Variants in MROH9 observed in about 807,000 individuals in gnomAD.
The protein encoded by MROH9 is maestro heat like repeat family member 9, also known as maestro heat-like repeat-containing protein family member 9.
A neutral mutation model predicts 98.2 loss-of-function variants in MROH9; 92 were observed. The observed-to-expected ratio is 0.94, with a 90% CI of 0.79 to 1.11. The LOEUF (loss-of-function observed/expected upper bound fraction) is 1.11. MROH9 is among the 50% of genes most tolerant of loss of function. MROH9 has a pLI of 0.00. For missense variants in MROH9, 1,057 were observed against 1,014.8 expected, an observed-to-expected ratio of 1.04 and a Z score of -0.57; for synonymous variants, 397 against 368.9, an observed-to-expected ratio of 1.08 and a Z score of -0.87.
At chr1:171,007,736 G>C (rs905667187) in intron 15 of MROH9, among the ~76,000 whole-genome samples, 2 of 152,088 alleles carry the variant, frequency 1.3e-5, no homozygotes, top group Non-Finnish European at 2.9e-5. Context: ...AGATAGAGGT[G>C]AGTTACAGGG....
intron 11 of MROH9, among the ~76,000 whole-genome samples, chr1:170,991,551 G>A (rs1651354583): frequency 6.6e-6 from 1 of 152,008 alleles, no homozygotes; most frequent in African/African-American, 2.4e-5. Context: ...TCTAAGATAA[G>A]CAATAGTAAG....
chr1:171,043,373 A>T (rs933086207), intron 20 of MROH9, among the ~76,000 whole-genome samples: 1 of 152,072 alleles, frequency 6.6e-6, no homozygotes, highest in Non-Finnish European at 1.5e-5. Flanking sequence ...TGTTTTGGTT[A>T]TTATAGCTCT....
In MROH9 at chr1:170,971,816, T is replaced by A. The variant is rs1237597834; in HGVS notation, c.549T>A (p.Asp183Glu). 1.9e-6 allele frequency: 3 copies of A among 1,614,076 alleles called. No homozygotes were observed. The highest frequency in any genetic ancestry group is 2.2e-5 in the East Asian group (1 of 44,876). The change falls in exon 8 of 22, where the codon GAT becomes GAA. Residue 183 changes from aspartate (D) to glutamate (E), a missense_variant. Coordinates refer to ENST00000367759, the MANE Select transcript of MROH9 (RefSeq NM_001163629.2). ...AELSLLCSHE[D>E]PSIVKQASLG... ...TGTCTCTTTTGTGTTCCCATGAAGA[T>A]CCCTCGATTGTAAAACAAGCATCAT... is the stretch of plus-strand genomic sequence containing the variant.
chr1:171,029,533 T>C (rs1652837983), intron 20 of MROH9, among the ~76,000 whole-genome samples: 1 of 152,188 alleles, frequency 6.6e-6, no homozygotes, highest in Non-Finnish European at 1.5e-5. Flanking sequence ...ACGCCTTTTC[T>C]GCATCTATGG....
rs772129951 is a variant in MROH9, at chr1:170,989,968, C to T, written c.993C>T (p.Ile331=). The stretch of plus-strand genomic sequence containing the variant: ...CATGCACTTCACCCAAGAAGGTCAT[C>T]TTTCAACTTATGGACTACCCAGTTC... The part of the protein sequence containing the change: ...LLTCTSPKKV[I]FQLMDYPVPA... Residue 331 remains isoleucine, a synonymous_variant, in exon 11 of 22, where the codon ATC becomes ATT. Transcript: ENST00000367759. The T allele has an allele frequency of 1.1e-5, 18 of 1,613,062 alleles. No homozygotes were observed. The highest frequency in any genetic ancestry group is 1.5e-5 in the Non-Finnish European group (18 of 1,179,310).
intron 7 of MROH9, 88 bp downstream of exon 7, chr1:170,965,343 T>C: frequency 1.2e-6 from 1 of 865,300 alleles, no homozygotes; most frequent in Non-Finnish European, 1.9e-6. Flanking sequence ...CTAACAGTAC[T>C]TGACAGGTCC....
At position 171,016,199 on chromosome 1, in the gene MROH9, G is replaced by T; in HGVS notation, c.1771G>T (p.Asp591Tyr). The T allele has an allele frequency of 1.3e-6, 2 of 1,532,300 alleles. No individual in the cohort carries two copies. Among genetic ancestry groups the T allele is most frequent in the Non-Finnish European group, 1.8e-6 (2 of 1,138,848 alleles). 94.9% of individuals were successfully genotyped at this position (1,532,300 alleles called of 1,614,324 possible). A position where few individuals can be genotyped will look rare whatever the true frequency, so the allele number is the denominator to read the frequency against. ...CAGCAGTATATTAATAGCCATCCTG[G>T]ATGCCTTCCTTTCCAAAGACGATAA... is the stretch of plus-strand genomic sequence containing the variant. ...NVSSILIAIL[D>Y]AFLSKDDNVV... is the part of the protein sequence containing the mutation. Residue 591 changes from aspartate to tyrosine, a missense_variant, in exon 17 of 22, where the codon GAT (aspartate) becomes TAT (tyrosine). Coordinates refer to ENST00000367759, the MANE Select transcript of MROH9 (RefSeq NM_001163629.2).
chr1:170,990,757 C>A (rs1651327643), intron 11 of MROH9, among the ~76,000 whole-genome samples: 1 of 152,054 alleles, frequency 6.6e-6, no homozygotes, highest in Non-Finnish European at 1.5e-5. Flanking sequence ...TGACATTATG[C>A]AAGTTTGATA....
intron 17 of MROH9, among the ~76,000 whole-genome samples, chr1:171,018,985 A>T (rs1220514339): frequency 6.6e-6 from 1 of 152,076 alleles, no homozygotes; most frequent in Non-Finnish European, 1.5e-5. Context: ...CATATACAAA[A>T]CTCTCCAACC....
intron 15 of MROH9, among the ~76,000 whole-genome samples, chr1:171,008,631 C>T (rs1490699134): frequency 6.6e-6 from 1 of 152,202 alleles, no homozygotes; most frequent in African/African-American, 2.4e-5. Flanking sequence ...AGCCACACAC[C>T]TGTAGTCACA....
At chr1:170,940,482 T>C (rs1392782111) in intron 1 of MROH9, among the ~76,000 whole-genome samples, 1 of 152,212 alleles carries the variant, frequency 6.6e-6, no homozygotes, top group Non-Finnish European at 1.5e-5. Flanking sequence ...GGTAGAACAG[T>C]GAAGGTGTAT....
intron 1 of MROH9, among the ~76,000 whole-genome samples, chr1:170,938,097 G>A (rs892409271): frequency 6.6e-6 from 1 of 152,152 alleles, no homozygotes; most frequent in Non-Finnish European, 1.5e-5. Context: ...GTTCTCTTTG[G>A]TAGTGTGGAT....
chr1:170,990,061 C>T (rs1015210881), intron 11 of MROH9, 58 bp downstream of exon 11: 33 of 1,514,836 alleles, frequency 2.2e-5, no homozygotes, highest in Middle Eastern at 3.5e-4. Flanking sequence ...GCTGCACTGT[C>T]AGATGGACCT....
intron 15 of MROH9, among the ~76,000 whole-genome samples, chr1:171,006,820 T>A (rs544063719): frequency 7.6e-4 from 100 of 132,330 alleles, no homozygotes; most frequent in African/African-American, 2.6e-3. Context: ...TCTGTTTTGT[T>A]ATTTTTTTTT....
chr1:171,048,984 G>A (rs1653563400), intron 20 of MROH9, among the ~76,000 whole-genome samples: 1 of 152,136 alleles, frequency 6.6e-6, no homozygotes. Context: ...ATTCTGACTG[G>A]TGACCTATCC....
chr1:170,967,880 G>C (rs927028000), intron 7 of MROH9, among the ~76,000 whole-genome samples: 1 of 152,130 alleles, frequency 6.6e-6, no homozygotes, highest in Non-Finnish European at 1.5e-5. Flanking sequence ...ATTTAAAAAT[G>C]GATGGTGGGT....
chr1:170,942,925 G>C (rs973454643), intron 1 of MROH9, among the ~76,000 whole-genome samples: 3 of 152,256 alleles, frequency 2.0e-5, no homozygotes, highest in African/African-American at 7.2e-5. Context: ...CTCTAATGCT[G>C]CCAGGAGGGT....
intron 15 of MROH9, among the ~76,000 whole-genome samples, chr1:171,009,359 G>A (rs1462570289): frequency 2.6e-5 from 4 of 152,054 alleles, no homozygotes; most frequent in Non-Finnish European, 5.9e-5. Flanking sequence ...CTTTGACTTA[G>A]ATATATTCTA....
intron 8 of MROH9, among the ~76,000 whole-genome samples, chr1:170,976,803 A>G (rs899360479): frequency 2.0e-5 from 3 of 152,218 alleles, no homozygotes; most frequent in East Asian, 1.9e-4. Flanking sequence ...GGAAGTTTTC[A>G]TGGATGATAT....
Sources: allele counts gnomAD v4.1 joint callset (sites outside exome capture counted in the v4.1 genomes callset), GRCh38; gene constraint gnomAD v4.1.1; transcripts MANE v1.5; gene names NCBI Gene and HGNC (gene_info 2026-07-23, HGNC 2026-07-21).